SEPTIN9: variants seen among roughly 807,000 people sequenced by gnomAD.
The protein encoded by SEPTIN9 is septin-9.
Under a neutral mutation model 56.6 loss-of-function variants are expected in SEPTIN9, and 13 were observed. The ratio of observed to expected loss-of-function variants is 0.23; its 90% confidence interval spans 0.15 to 0.37. The LOEUF (loss-of-function observed/expected upper bound fraction) is 0.37, where lower values mean the gene tolerates loss of function less well. Ranked by LOEUF, SEPTIN9 falls within the 10% of genes least tolerant of loss-of-function variation. The probability of loss-of-function intolerance (pLI) is 1.00; values close to 1 mark genes in which losing one functional copy is unlikely to be tolerated. For synonymous variants in SEPTIN9, 332 were observed against 334.1 expected (o/e 0.99, Z 0.07); for missense variants, 650 against 823.1 (o/e 0.79, Z 2.57).
In SEPTIN9 at chr17:77,340,444, A is replaced by G. The variant is rs146603630; in HGVS notation, c.76+33247A>G. Among the ~76,000 whole-genome samples the G allele has an allele frequency of 6.7e-3, 1,022 of 152,270 alleles. 6 individuals carry two copies. The highest frequency in any genetic ancestry group is 9.6e-3 in the Non-Finnish European group (651 of 68,026). Reference sequence around the variant, plus strand: ...GCGTGAGTTGCCGCACCAGGCCTCAATGGGTTTTTAATATTCAGTAAACCA... The same window carrying G: ...GCGTGAGTTGCCGCACCAGGCCTCAGTGGGTTTTTAATATTCAGTAAACCA... On this transcript the variant is annotated intron_variant, in intron 2 of 11. Transcript: ENST00000427177.
At chr17:77,302,453 G>A (rs2032091664) in intron 1 of SEPTIN9, among the ~76,000 whole-genome samples, 1 of 152,152 alleles carries the variant, frequency 6.6e-6, no homozygotes, top group Non-Finnish European at 1.5e-5. Context: ...GCCAAGGTGG[G>A]AGGATCACAA....
At chr17:77,438,650 A>G (rs1426410262) in intron 3 of SEPTIN9, among the ~76,000 whole-genome samples, 1 of 152,224 alleles carries the variant, frequency 6.6e-6, no homozygotes, top group Non-Finnish European at 1.5e-5. Context: ...AAATGCAGGA[A>G]AACGCAGTCT....
At chr17:77,294,222 CA>C (rs2031702989) in intron 1 of SEPTIN9, among the ~76,000 whole-genome samples, 1 of 152,054 alleles carries the variant, frequency 6.6e-6, no homozygotes, top group Non-Finnish European at 1.5e-5. Flanking sequence ...AGTTTGAAAC[CA>C]GCCTGGTCAA....
At chr17:77,455,493 G>A (rs575446389) in intron 3 of SEPTIN9, among the ~76,000 whole-genome samples, 2 of 152,330 alleles carry the variant, frequency 1.3e-5, no homozygotes, top group South Asian at 4.1e-4. Flanking sequence ...GTCCCCAGTG[G>A]AATGTGCATG....
intron 1 of SEPTIN9, among the ~76,000 whole-genome samples, chr17:77,290,788 C>T (rs1463616553): frequency 6.7e-6 from 1 of 149,972 alleles, no homozygotes. Flanking sequence ...GCACTCCAGC[C>T]TGGGCGACAG....
rs1466350583 is a variant in SEPTIN9 at position 77,351,980 on chromosome 17, C to A, written c.76+44783C>A. 2.0e-5 allele frequency among the ~76,000 whole-genome samples: 3 copies of A among 152,288 alleles called. No homozygotes were observed. In the East Asian group the frequency reaches 5.8e-4, roughly 29 times the overall value. On this transcript the variant is annotated intron_variant, in intron 2 of 11. Coordinates refer to ENST00000427177, the MANE Select transcript of SEPTIN9 (RefSeq NM_001113491.2). ...GAGCCGGGGTGAGCATCTGGGTGAC[C>A]CTGCAGATGAGACAAAATAAGGGCT...
At chr17:77,377,255 C>G (rs143034165) in intron 2 of SEPTIN9, 1 of 152,144 alleles carries the variant, frequency 6.6e-6, no homozygotes, top group African/African-American at 2.4e-5. Context: ...CGCCACTGCC[C>G]GTAATAGGGT....
At chr17:77,431,224 G>A (rs140988502) in intron 3 of SEPTIN9, among the ~76,000 whole-genome samples, 4 of 152,196 alleles carry the variant, frequency 2.6e-5, no homozygotes, top group East Asian at 1.9e-4. Context: ...TAGGAGGATT[G>A]CTTGAGTTAG....
intron 3 of SEPTIN9, among the ~76,000 whole-genome samples, chr17:77,465,103 TG>T (rs2038657144): frequency 6.6e-6 from 1 of 152,258 alleles, no homozygotes; most frequent in Admixed American, 6.5e-5. Flanking sequence ...TATGTGGCCT[TG>T]GTGTCTGGCT....
intron 2 of SEPTIN9, among the ~76,000 whole-genome samples, chr17:77,332,145 T>G (rs927024028): frequency 3.3e-5 from 5 of 152,008 alleles, no homozygotes; most frequent in Admixed American, 6.6e-5. Flanking sequence ...GGCATGGTGG[T>G]GCAGGCTTGG....
Position 77,425,921 on chromosome 17 carries a change from CGGCCCCGCAG to C in SEPTIN9, c.721+23224_721+23233del, listed in dbSNP as rs1367036732. 6.6e-6 allele frequency among the ~76,000 whole-genome samples: 1 copy of C among 152,198 alleles called. No individual in the cohort carries two copies. Among genetic ancestry groups the C allele is most frequent in the Non-Finnish European group, 1.5e-5 (1 of 68,028 alleles). ...ATCTGTAGAGGAGAGGCTGCTGTGC[CGGCCCCGCAG>C]GGCCCTGTGCAGAGGGGAGTGTGTG... On this transcript the variant is annotated intron_variant, in intron 3 of 11. Transcript: ENST00000427177. The surrounding 1 kb of genome is among the most constrained non-coding windows in gnomAD (Gnocchi z 4.2).
chr17:77,466,582 G>A, intron 3 of SEPTIN9: 3 of 985,722 alleles, frequency 3.0e-6, no homozygotes, highest in Non-Finnish European at 3.6e-6. Flanking sequence ...CCAGGCCCTG[G>A]GTCCTCGGGA....
At chr17:77,354,213 T>G (rs973216658) in intron 2 of SEPTIN9, among the ~76,000 whole-genome samples, 6 of 152,328 alleles carry the variant, frequency 3.9e-5, no homozygotes, top group African/African-American at 1.4e-4. Context: ...GCATGTTTGT[T>G]TCATGACAAC....
intron 2 of SEPTIN9, among the ~76,000 whole-genome samples, chr17:77,338,114 T>G (rs1454582478): frequency 6.6e-6 from 1 of 151,906 alleles, no homozygotes; most frequent in East Asian, 1.9e-4. Context: ...GGAGAATTGC[T>G]CGAACCTGGG....
At chr17:77,286,848 G>C (rs2031302142) in intron 1 of SEPTIN9, among the ~76,000 whole-genome samples, 1 of 152,198 alleles carries the variant, frequency 6.6e-6, no homozygotes, top group Admixed American at 6.5e-5. Flanking sequence ...AGGGTAGGAG[G>C]GGCTCCAGAG....
In SEPTIN9 at chr17:77,445,792, CT is replaced by C; in HGVS notation, c.722-36350del. The C allele has an allele frequency of 4.5e-6, 1 of 220,344 alleles. No homozygotes were observed. 13.6% of individuals were successfully genotyped at this position (220,344 alleles called of 1,614,324 possible). On this transcript the variant is annotated intron_variant, in intron 3 of 11. Coordinates refer to ENST00000427177, the MANE Select transcript of SEPTIN9 (RefSeq NM_001113491.2). This position sits in a 1 kb window ranked among gnomAD's most constrained non-coding sequence, Gnocchi z 4.7. ...CAATGGTGCTCCCTCCCCTGTGACC[CT>C]TCTGTTGGGTGGGTCACGAGGAAGG... is the stretch of plus-strand genomic sequence containing the variant.
At chr17:77,478,399 C>A (rs1262817598) in intron 3 of SEPTIN9, among the ~76,000 whole-genome samples, 2 of 152,206 alleles carry the variant, frequency 1.3e-5, no homozygotes, top group Non-Finnish European at 2.9e-5. Context: ...AAAGAATGCA[C>A]AGCATCTTAA....
rs576168850 is a variant in SEPTIN9 at position 77,429,745 on chromosome 17, C to T, written c.721+27042C>T. ...GTTTTCAAGTGAGCATCCTGAGCTG[C>T]GGGGACCCAGGGGGTCTTAGAGACC... On this transcript the variant is annotated intron_variant, in intron 3 of 11. Transcript: ENST00000427177. This position sits in a 1 kb window ranked among gnomAD's most constrained non-coding sequence, Gnocchi z 5.2. Among the ~76,000 whole-genome samples, 620 of 152,116 alleles carry T rather than the reference C, an allele frequency of 4.1e-3. 2 individuals are homozygous for T. Among genetic ancestry groups the T allele is most frequent in the Middle Eastern group, 0.014 (4 of 294 alleles).
At chr17:77,358,159 G>A (rs1195580043) in intron 2 of SEPTIN9, among the ~76,000 whole-genome samples, 3 of 152,148 alleles carry the variant, frequency 2.0e-5, no homozygotes, top group African/African-American at 4.8e-5. Context: ...ATGTCCCCAC[G>A]GGGTCTGCAC....
Sources: allele counts gnomAD v4.1 joint callset (sites outside exome capture counted in the v4.1 genomes callset), GRCh38; gene constraint gnomAD v4.1.1; non-coding constraint Gnocchi (gnomAD v3.1); transcripts MANE v1.5; gene names NCBI Gene and HGNC (gene_info 2026-07-23, HGNC 2026-07-21).